The following OOSP4B variants were observed in gnomAD, a reference collection of about 807,000 sequenced individuals.
The protein encoded by OOSP4B is oocyte secreted protein family member 4B.
At chr11:60,017,247 G>C in exon 1 of OOSP4B, 1 of 396,820 alleles carries the variant, frequency 2.5e-6, no homozygotes, top group Non-Finnish European at 4.4e-6. Flanking sequence ...CATGTTTTGA[G>C]AAGATGCTAA....
chr11:60,021,317 T>A (rs940926417), intron 1 of OOSP4B: 1 of 152,240 alleles, frequency 6.6e-6, no homozygotes, highest in Non-Finnish European at 1.5e-5. Context: ...CAGACTTTGA[T>A]TAGTAAGGCT....
intron 1 of OOSP4B, among the ~76,000 whole-genome samples, chr11:60,018,505 T>C (rs1458689160): frequency 6.6e-6 from 1 of 152,214 alleles, no homozygotes; most frequent in East Asian, 1.9e-4. Flanking sequence ...TTAGAAGCAC[T>C]TTAAGGCACA....
At chr11:60,028,168 T>C (rs1009650063) in intron 3 of OOSP4B, among the ~76,000 whole-genome samples, 1 of 151,418 alleles carries the variant, frequency 6.6e-6, no homozygotes, top group Non-Finnish European at 1.5e-5. Flanking sequence ...AGTCACTGTT[T>C]TTTTTTTCTT....
chr11:60,029,640 T>C, intron 3 of OOSP4B, 142 bp from the exon 4 acceptor site: 1 of 394,438 alleles, frequency 2.5e-6, no homozygotes, highest in Admixed American at 4.4e-5. Flanking sequence ...TATTTAGATT[T>C]ACTGAGCTAC....
intron 1 of OOSP4B, among the ~76,000 whole-genome samples, chr11:60,022,930 T>C (rs972641493): frequency 1.3e-5 from 2 of 152,204 alleles, no homozygotes; most frequent in Admixed American, 6.5e-5. Context: ...GTTTAATTGA[T>C]ACTGAGGATG....
chr11:60,030,604 C>A (rs562528859), intron 4 of OOSP4B, among the ~76,000 whole-genome samples, 198 bp from the exon 5 acceptor site: 1 of 152,300 alleles, frequency 6.6e-6, no homozygotes, highest in East Asian at 1.9e-4. Flanking sequence ...AGATGCTAAT[C>A]ACTTCTAATA....
chr11:60,030,734 A>G (rs1031304271), intron 4 of OOSP4B, 68 bp from the exon 5 acceptor site: 12 of 397,808 alleles, frequency 3.0e-5, no homozygotes, highest in African/African-American at 4.1e-5. Context: ...AGTTCTCTGA[A>G]CGTGTTTTCT....
At chr11:60,025,816 A>C (rs940062178) in intron 3 of OOSP4B, among the ~76,000 whole-genome samples, 1 of 152,176 alleles carries the variant, frequency 6.6e-6, no homozygotes, top group African/African-American at 2.4e-5. Context: ...GAAATGATGA[A>C]TATTTTCCCA....
intron 1 of OOSP4B, chr11:60,022,377 CTG>C (rs1461407370): frequency 2.0e-5 from 3 of 152,294 alleles, no homozygotes; most frequent in Admixed American, 2.0e-4. Context: ...GCTGTCATCA[CTG>C]TATTTACTAT....
intron 1 of OOSP4B, among the ~76,000 whole-genome samples, chr11:60,022,579 C>T (rs557099893): frequency 3.3e-5 from 5 of 152,304 alleles, no homozygotes; most frequent in Non-Finnish European, 7.3e-5. Context: ...CTAAGCCAAA[C>T]ATTTTACGGA....
intron 1 of OOSP4B, 23 bp from the exon 2 acceptor site, chr11:60,023,857 T>A (rs1854719104): frequency 2.5e-6 from 1 of 398,450 alleles, no homozygotes; most frequent in Non-Finnish European, 4.4e-6. Flanking sequence ...ACCATATTAC[T>A]TTTTGGATTT....
intron 1 of OOSP4B, among the ~76,000 whole-genome samples, chr11:60,020,351 C>T (rs572331632): frequency 5.9e-5 from 9 of 152,226 alleles, no homozygotes; most frequent in African/African-American, 1.9e-4. Flanking sequence ...CAGGAGCCCA[C>T]GGTGGGGGAG....
chr11:60,024,131 G>T (rs1020350200), intron 2 of OOSP4B, 70 bp downstream of exon 2: 1 of 397,794 alleles, frequency 2.5e-6, no homozygotes, highest in African/African-American at 2.1e-5. Context: ...AGTATCAAAA[G>T]TTCCTTCCTA....
At chr11:60,030,901 C>A (rs1012985908) in exon 5 of OOSP4B, 3 of 397,872 alleles carry the variant, frequency 7.5e-6, no homozygotes, top group Non-Finnish European at 1.3e-5. Context: ...GTCTGAAAAC[C>A]AGTTTCATCA....
At chr11:60,017,297 A>G in exon 1 of OOSP4B, 1 of 398,544 alleles carries the variant, frequency 2.5e-6, no homozygotes, top group East Asian at 3.6e-5. Flanking sequence ...GTAATTGCAG[A>G]CAGCTGAATG....
At chr11:60,019,105 C>A (rs1854657454) in intron 1 of OOSP4B, among the ~76,000 whole-genome samples, 1 of 152,066 alleles carries the variant, frequency 6.6e-6, no homozygotes, top group African/African-American at 2.4e-5. Flanking sequence ...TGCCTGTAAT[C>A]CCGACTACTC....
At chr11:60,026,746 G>A (rs1208413800) in intron 3 of OOSP4B, among the ~76,000 whole-genome samples, 1 of 152,154 alleles carries the variant, frequency 6.6e-6, no homozygotes, top group African/African-American at 2.4e-5. Context: ...AATATTACAT[G>A]TAAATTACTA....
At chr11:60,024,705 T>A (rs2134626362) in intron 2 of OOSP4B, among the ~76,000 whole-genome samples, 1 of 152,302 alleles carries the variant, frequency 6.6e-6, no homozygotes, top group South Asian at 2.1e-4. Flanking sequence ...ATCCCCCATC[T>A]GGTATTAGAG....
At chr11:60,021,984 C>CAAAAAA (rs34383931) in intron 1 of OOSP4B, 3 of 81,846 alleles carry the variant, frequency 3.7e-5, no homozygotes, top group Non-Finnish European at 4.9e-5. Flanking sequence ...ACTCTATCTC[C>CAAAAAA]AAAAAAAAAA....
Sources: gnomAD v4.1 joint callset for allele counts (sites outside exome capture counted in the v4.1 genomes callset) on GRCh38, gnomAD v4.1.1 for gene constraint, MANE v1.5 for transcripts, NCBI Gene and HGNC (gene_info 2026-07-23, HGNC 2026-07-21) for gene names.